The following RANBP10 variants were observed in gnomAD, a reference collection of about 807,000 sequenced individuals.
RANBP10 encodes the protein ran-binding protein 10.
RANBP10 carries 24 observed loss-of-function variants against 72.8 expected under a neutral mutation model. The observed-to-expected ratio is 0.33, with a 90% CI of 0.24 to 0.46. The LOEUF is 0.46. Ranked by LOEUF, RANBP10 falls within the 20% of genes least tolerant of loss-of-function variation. The probability of loss-of-function intolerance (pLI) is 1.00; values close to 1 mark genes in which losing one functional copy is unlikely to be tolerated. For synonymous variants in RANBP10, 310 were observed against 322.3 expected (o/e 0.96, Z 0.41); for missense variants, 679 against 817.5 (o/e 0.83, Z 2.07).
At chr16:67,781,265 A>G (rs1046058203) in intron 2 of RANBP10, among the ~76,000 whole-genome samples, 2 of 152,346 alleles carry the variant, frequency 1.3e-5, no homozygotes, top group East Asian at 3.9e-4. Context: ...AGGACATCTA[A>G]AACAAACACC....
In RANBP10 at chr16:67,729,316, G is replaced by A. The variant is rs2053672853; in HGVS notation, c.1316C>T (p.Ser439Phe). The A allele has an allele frequency of 6.2e-7, 1 of 1,612,496 alleles. No individual in the cohort carries two copies. Among genetic ancestry groups the A allele is most frequent in the Admixed American group, 1.7e-5 (1 of 60,006 alleles). Residue 439 changes from serine to phenylalanine, a missense_variant, in exon 10 of 14, where the codon TCC (serine) becomes TTC (phenylalanine). Physicochemically the swap from Ser to Phe is radical, Grantham distance 155. Transcript: ENST00000317506. This position sits in a 1 kb window ranked among gnomAD's most constrained non-coding sequence, Gnocchi z 7.1. ...SESNSTDSTK[S>F]QHHSSTSNQE... ...GTTACTGGTACTGCTGTGGTGCTGG[G>A]ACTTGGTGGAGTCTGTTGAGTTGGA...
In RANBP10 at chr16:67,775,792, A is replaced by T. The variant is rs1466020118; in HGVS notation, c.348-3706T>A. Among the ~76,000 whole-genome samples, 44 of 80,912 alleles carry T rather than the reference A, an allele frequency of 5.4e-4. 1 individual carries two copies. The highest frequency in any genetic ancestry group is 2.1e-4 in the Non-Finnish European group (10 of 46,864). 53.1% of individuals were successfully genotyped at this position (80,912 alleles called of 152,430 possible). On this transcript the variant is annotated intron_variant, in intron 2 of 13. Coordinates refer to ENST00000317506, the MANE Select transcript of RANBP10 (RefSeq NM_020850.3). ...GGGTGACAGAGTGAGACTCCGTCTA[A>T]AAAAAAAAAAAAAAAAAAAAACTGG...
At chr16:67,737,986 A>AG (rs1567678945) in intron 5 of RANBP10, 27 bp downstream of exon 5, 3 of 1,577,494 alleles carry the variant, frequency 1.9e-6, no homozygotes, top group Non-Finnish European at 2.6e-6. Context: ...GAAACCCAGG[A>AG]GGGGAAGACT....
intron 2 of RANBP10, among the ~76,000 whole-genome samples, chr16:67,794,176 G>A (rs985910701): frequency 2.0e-5 from 3 of 152,146 alleles, no homozygotes; most frequent in Non-Finnish European, 4.4e-5. Flanking sequence ...GGTGGCTCAA[G>A]CCTGTAATCC....
chr16:67,794,941 AAAAAC>A (rs982689468), intron 2 of RANBP10, among the ~76,000 whole-genome samples: 1 of 148,932 alleles, frequency 6.7e-6, no homozygotes, highest in African/African-American at 2.5e-5. Context: ...AAAAAAAAAA[AAAAAC>A]AAAAAAAAAA....
At chr16:67,732,469 AG>A (rs1214768414) in intron 6 of RANBP10, among the ~76,000 whole-genome samples, 32 of 152,188 alleles carry the variant, frequency 2.1e-4, no homozygotes, top group African/African-American at 7.7e-4. Flanking sequence ...AAATGTCTGA[AG>A]GGTTGTCAGG....
chr16:67,776,829 CT>C lies in RANBP10; in HGVS notation c.348-4744del, dbSNP rs559758127. On this transcript the variant is annotated intron_variant, in intron 2 of 13. Transcript: ENST00000317506. ...AAAGAACTAATAAGTTACTCTATTTCTCACTTTTCAGTTGTATTGCTACACA... is the reference window on the plus strand; with the variant it reads ...AAAGAACTAATAAGTTACTCTATTTCCACTTTTCAGTTGTATTGCTACACA... Among the ~76,000 whole-genome samples, 7 of 151,742 alleles carry C rather than the reference CT, an allele frequency of 4.6e-5. No individual in the cohort carries two copies. In the South Asian group the frequency reaches 1.5e-3, roughly 32 times the overall value.
chr16:67,749,320 A>G (rs1294244411), intron 3 of RANBP10, among the ~76,000 whole-genome samples: 1 of 152,190 alleles, frequency 6.6e-6, no homozygotes, highest in Non-Finnish European at 1.5e-5. Flanking sequence ...CTCTATTTAA[A>G]CAAAGATTCT....
intron 2 of RANBP10, among the ~76,000 whole-genome samples, chr16:67,782,179 C>G (rs1016464400): frequency 6.6e-6 from 1 of 152,178 alleles, no homozygotes; most frequent in Non-Finnish European, 1.5e-5. Context: ...CTCACTCTGT[C>G]TCCCAAGCTG....
chr16:67,735,064 C>A, intron 5 of RANBP10, 22 bp from the exon 6 acceptor site: 1 of 1,566,380 alleles, frequency 6.4e-7, no homozygotes, highest in South Asian at 1.2e-5. Flanking sequence ...AATGAAATGT[C>A]AGTCAGGCCC....
intron 3 of RANBP10, among the ~76,000 whole-genome samples, chr16:67,765,712 T>A (rs2054488963): frequency 1.3e-5 from 2 of 151,594 alleles, no homozygotes; most frequent in South Asian, 2.1e-4. Context: ...GGTGGGCGCC[T>A]GTAGTCTCAG....
At chr16:67,785,731 C>CAA (rs61683439) in intron 2 of RANBP10, among the ~76,000 whole-genome samples, 12 of 71,772 alleles carry the variant, frequency 1.7e-4, no homozygotes, top group South Asian at 8.3e-4. Flanking sequence ...GACTCCATCT[C>CAA]AAAAAAAAAA....
At chr16:67,788,490 C>T (rs2054959914) in intron 2 of RANBP10, among the ~76,000 whole-genome samples, 1 of 151,566 alleles carries the variant, frequency 6.6e-6, no homozygotes, top group African/African-American at 2.4e-5. Context: ...ATCTCCTGAC[C>T]TCGTGATCCA....
intron 2 of RANBP10, among the ~76,000 whole-genome samples, chr16:67,801,201 A>G (rs542281348): frequency 6.6e-6 from 1 of 152,168 alleles, no homozygotes; most frequent in Non-Finnish European, 1.5e-5. Context: ...CAGAAAAGCA[A>G]GTTTACAGAT....
intron 2 of RANBP10, among the ~76,000 whole-genome samples, chr16:67,799,646 TC>T (rs2055200313): frequency 6.6e-6 from 1 of 152,120 alleles, no homozygotes; most frequent in South Asian, 2.1e-4. Context: ...CTCACTTTGT[TC>T]ACCTAGAACA....
At chr16:67,748,986 C>T (rs1033371393) in intron 3 of RANBP10, among the ~76,000 whole-genome samples, 1 of 152,178 alleles carries the variant, frequency 6.6e-6, no homozygotes, top group African/African-American at 2.4e-5. Context: ...TGGGTAGAGG[C>T]TCTCTCCTGA....
chr16:67,798,494 T>C lies in RANBP10; in HGVS notation c.347+6934A>G, dbSNP rs565887517. Among the ~76,000 whole-genome samples the C allele has an allele frequency of 4.6e-5, 7 of 152,274 alleles. No individual in the cohort carries two copies. In the South Asian group the frequency reaches 8.3e-4, roughly 18 times the overall value. ...TTAACAGTGGCTCTCTAGGTCTCCA[T>C]GGAAAATCACTTTGGCTGATTCTGG... On this transcript the variant is annotated intron_variant, in intron 2 of 13. Coordinates refer to ENST00000317506, the MANE Select transcript of RANBP10 (RefSeq NM_020850.3).
In RANBP10 at chr16:67,728,620, C is replaced by A. The variant is rs1216243018; in HGVS notation, c.1353-109G>T. On this transcript the variant is annotated intron_variant, in intron 10 of 13. Coordinates refer to ENST00000317506, the MANE Select transcript of RANBP10 (RefSeq NM_020850.3). Reference sequence around the variant, plus strand: ...TGGGTTGCTGTGGGTGAACCGAGGACCCCCAGGAACATGAAAGGACAGCTC... The same window carrying A: ...TGGGTTGCTGTGGGTGAACCGAGGAACCCCAGGAACATGAAAGGACAGCTC... The A allele has an allele frequency of 2.5e-6, 4 of 1,571,886 alleles. No individual in the cohort carries two copies. The East Asian group carries it at 6.8e-5, about 27-fold the overall frequency.
At chr16:67,805,663 C>A (rs1416923622) in intron 1 of RANBP10, 124 bp from the exon 2 acceptor site, 10 of 733,204 alleles carry the variant, frequency 1.4e-5, no homozygotes, top group Non-Finnish European at 1.8e-5. Context: ...CTTACACAGG[C>A]CGAGGAATCA....
Sources: gnomAD v4.1 joint callset for allele counts (sites outside exome capture counted in the v4.1 genomes callset) on GRCh38, gnomAD v4.1.1 for gene constraint, Gnocchi (gnomAD v3.1) non-coding constraint, MANE v1.5 for transcripts, NCBI Gene and HGNC (gene_info 2026-07-23, HGNC 2026-07-21) for gene names.